Variants in ANO2 observed in about 807,000 individuals in gnomAD.
ANO2 encodes anoctamin-2.
ANO2 carries 101 observed loss-of-function variants against 124.2 expected under a neutral mutation model. The ratio of observed to expected loss-of-function variants is 0.81; its 90% CI spans 0.69 to 0.96. ANO2 has a LOEUF of 0.96. ANO2 is among the 40% of genes least tolerant of loss of function. ANO2 has a pLI of 0.00. For synonymous variants in ANO2, 486 were observed against 482.5 expected, an observed-to-expected ratio of 1.01 and a Z score of -0.09; for missense variants, 1,293 against 1,274.5, an observed-to-expected ratio of 1.01 and a Z score of -0.22.
In ANO2 at chr12:5,583,467, C is replaced by A. The variant is rs1201097667; in HGVS notation, c.2234-4949G>T. 5.3e-5 allele frequency among the ~76,000 whole-genome samples: 8 copies of A among 151,700 alleles called. No homozygotes were observed. In the South Asian group the frequency reaches 8.4e-4, roughly 16 times the overall value. On this transcript the variant is annotated intron_variant, in intron 20 of 24. Coordinates refer to ENST00000682330, the MANE Select transcript of ANO2 (RefSeq NM_001364791.2). ...AGGAGATCGAGACCATCTTGGCTAA[C>A]ACGGTGAAACCCCGTCTCTACTAAA...
chr12:5,806,001 C>T lies in ANO2; in HGVS notation c.990+51G>A, dbSNP rs1953178236. ...ACACTTCTAGCCACTTCCACACCCA[C>T]CCGTAGTCTCGCATGCCCAAAGTCC... On this transcript the variant is annotated intron_variant, in intron 9 of 24. Transcript: ENST00000682330. The T allele has an allele frequency of 3.2e-6, 5 of 1,584,982 alleles. No homozygotes were observed. In the East Asian group the frequency reaches 1.1e-4, roughly 36 times the overall value.
chr12:5,783,713 C>T (rs1459263912), intron 10 of ANO2, among the ~76,000 whole-genome samples: 1 of 152,196 alleles, frequency 6.6e-6, no homozygotes, highest in African/African-American at 2.4e-5. Context: ...AGCTCTGGTG[C>T]TAATTAGCTA....
chr12:5,585,954 T>G (rs544416192), intron 20 of ANO2, among the ~76,000 whole-genome samples: 4 of 152,136 alleles, frequency 2.6e-5, no homozygotes, highest in Admixed American at 2.6e-4. Context: ...ACAAAACAAG[T>G]AAGAAAACTC....
intron 19 of ANO2, among the ~76,000 whole-genome samples, chr12:5,601,925 A>C (rs1009656445): frequency 6.6e-6 from 1 of 152,212 alleles, no homozygotes; most frequent in African/African-American, 2.4e-5. Flanking sequence ...AAGCCAACTC[A>C]TGCTGTAAAT....
intron 14 of ANO2, among the ~76,000 whole-genome samples, chr12:5,717,908 C>T (rs1565603320): frequency 6.6e-6 from 1 of 152,300 alleles, no homozygotes; most frequent in East Asian, 1.9e-4. Context: ...CCCAATTATT[C>T]ATGACAATCT....
At chr12:5,843,754 T>A (rs1954598397) in intron 4 of ANO2, among the ~76,000 whole-genome samples, 1 of 152,148 alleles carries the variant, frequency 6.6e-6, no homozygotes, top group Non-Finnish European at 1.5e-5. Flanking sequence ...ACATCTCTTA[T>A]CATCCTGAGC....
intron 3 of ANO2, among the ~76,000 whole-genome samples, chr12:5,906,560 G>A (rs1565768120): frequency 6.6e-6 from 1 of 152,046 alleles, no homozygotes; most frequent in Non-Finnish European, 1.5e-5. Context: ...ACTTTGGGAG[G>A]CCAAGGCGGG....
At chr12:5,922,307 C>CA (rs1396290127) in intron 2 of ANO2, among the ~76,000 whole-genome samples, 1 of 152,226 alleles carries the variant, frequency 6.6e-6, no homozygotes, top group African/African-American at 2.4e-5. Flanking sequence ...GGGAGAGACT[C>CA]AGAGCCACCA....
chr12:5,780,459 GC>G (rs1952356039), intron 10 of ANO2, among the ~76,000 whole-genome samples: 1 of 152,068 alleles, frequency 6.6e-6, no homozygotes, highest in South Asian at 2.1e-4. Flanking sequence ...CTGCGCCCTG[GC>G]CTCCAAACAG....
chr12:5,864,173 T>A (rs1018237768), intron 3 of ANO2, among the ~76,000 whole-genome samples: 4 of 151,982 alleles, frequency 2.6e-5, no homozygotes, highest in Non-Finnish European at 5.9e-5. Flanking sequence ...ACCGAGGCAG[T>A]AGCCCCTGGC....
At chr12:5,584,936 A>G (rs1289609662) in intron 20 of ANO2, among the ~76,000 whole-genome samples, 2 of 152,156 alleles carry the variant, frequency 1.3e-5, no homozygotes, top group Non-Finnish European at 2.9e-5. Context: ...ACTGGAGACC[A>G]TGTGCATTGC....
chr12:5,805,544 G>A (rs966607762), intron 9 of ANO2, among the ~76,000 whole-genome samples: 3 of 152,150 alleles, frequency 2.0e-5, no homozygotes, highest in African/African-American at 7.2e-5. Context: ...TACTCCACCT[G>A]CCTGCCTAAA....
chr12:5,634,303 G>C (rs898101325), intron 16 of ANO2, among the ~76,000 whole-genome samples: 2 of 152,140 alleles, frequency 1.3e-5, no homozygotes, highest in Non-Finnish European at 2.9e-5. Flanking sequence ...GAAGGCTCTT[G>C]AGGAGGTGGT....
chr12:5,864,659 T>G (rs1197893196), intron 3 of ANO2, among the ~76,000 whole-genome samples: 19 of 152,296 alleles, frequency 1.2e-4, no homozygotes, highest in Non-Finnish European at 1.0e-4. Context: ...TAGCTGGTCA[T>G]TAGTAAATAC....
intron 14 of ANO2, among the ~76,000 whole-genome samples, chr12:5,693,627 A>G (rs1013358739): frequency 3.9e-5 from 6 of 152,040 alleles, no homozygotes; most frequent in African/African-American, 1.5e-4. Flanking sequence ...AGTCAATCCA[A>G]AGTCCTCAAA....
At chr12:5,920,084 C>G (rs61908421) in intron 3 of ANO2, among the ~76,000 whole-genome samples, 15 of 95,824 alleles carry the variant, frequency 1.6e-4, no homozygotes, top group African/African-American at 3.1e-4. Flanking sequence ...TGGATGGATG[C>G]ATGCATGCAT....
intron 3 of ANO2, among the ~76,000 whole-genome samples, chr12:5,888,431 T>G (rs191975750): frequency 6.6e-6 from 1 of 152,180 alleles, no homozygotes; most frequent in East Asian, 1.9e-4. Flanking sequence ...TCCAGCAGCC[T>G]GCTTTTATTC....
At chr12:5,852,099 G>C (rs1422656315) in intron 4 of ANO2, 2 of 665,514 alleles carry the variant, frequency 3.0e-6, no homozygotes, top group African/African-American at 1.8e-5. Context: ...ACAGAAGAAA[G>C]AGGAGATAGG....
At chr12:5,603,008 A>G (rs2136887996) in intron 19 of ANO2, among the ~76,000 whole-genome samples, 1 of 152,342 alleles carries the variant, frequency 6.6e-6, no homozygotes, top group East Asian at 1.9e-4. Flanking sequence ...TTATGCATGC[A>G]TCCATTCTCA....
Sources: gnomAD v4.1 joint callset for allele counts (sites outside exome capture counted in the v4.1 genomes callset) on GRCh38, gnomAD v4.1.1 for gene constraint, MANE v1.5 for transcripts, NCBI Gene and HGNC (gene_info 2026-07-23, HGNC 2026-07-21) for gene names.